The following IQGAP2 variants were observed in gnomAD, a reference collection of about 807,000 sequenced individuals.
IQGAP2 encodes the protein IQ motif containing GTPase activating protein 2.
A neutral mutation model predicts 201.3 loss-of-function variants in IQGAP2; 173 were observed. The observed-to-expected ratio is 0.86, with a 90% CI of 0.76 to 0.98. IQGAP2 has a LOEUF of 0.98. IQGAP2 is among the 50% of genes least tolerant of loss of function. The probability of loss-of-function intolerance (pLI) is 0.00; values close to 1 mark genes in which losing one functional copy is unlikely to be tolerated. For missense variants in IQGAP2, 1,687 were observed against 1,864.8 expected (o/e 0.90, Z 1.76); for synonymous variants, 675 against 673.9 (o/e 1.00, Z -0.03).
chr5:76,698,621 G>A (rs1442395580), intron 33 of IQGAP2, among the ~76,000 whole-genome samples: 5 of 152,222 alleles, frequency 3.3e-5, no homozygotes, highest in South Asian at 2.1e-4. Context: ...TTTGGCAGCT[G>A]TCTATTATCC....
At chr5:76,544,295 G>T (rs1271661852) in intron 2 of IQGAP2, among the ~76,000 whole-genome samples, 1 of 152,140 alleles carries the variant, frequency 6.6e-6, no homozygotes, top group Non-Finnish European at 1.5e-5. Flanking sequence ...TCCCCCAGGG[G>T]TTCCTACAGC....
In IQGAP2 at chr5:76,668,764, A is replaced by G. The variant is rs538626580; in HGVS notation, c.2763A>G (p.Thr921=). Residue 921 remains threonine, a synonymous_variant, in exon 23 of 36, where the codon ACA becomes ACG. Transcript: ENST00000274364. The stretch of plus-strand genomic sequence containing the variant: ...AATTTATGGATACTGTTATTTTCAC[A>G]CTATATAATTATGCCTCTAATCAGC... ...STKFMDTVIF[T]LYNYASNQRE... is the part of the protein sequence containing the mutation. 37 of 1,610,186 alleles carry G rather than the reference A, an allele frequency of 2.3e-5. No individual in the cohort carries two copies. In the African/African-American group the frequency reaches 3.6e-4, roughly 16 times the overall value.
At position 76,405,209 on chromosome 5, in the gene IQGAP2, C is replaced by A. The variant is rs78363226; in HGVS notation, c.46+1618C>A. Among the ~76,000 whole-genome samples, 680 of 152,348 alleles carry A rather than the reference C, an allele frequency of 4.5e-3. 5 individuals are homozygous for A. The highest frequency in any genetic ancestry group is 0.015 in the African/African-American group (630 of 41,568). On this transcript the variant is annotated intron_variant, in intron 1 of 35. Transcript: ENST00000274364. ...AATGCAGCATTTCTGTCAGTCCCTG[C>A]ATGTGCATCTGTGATGCTGCTTGAT...
chr5:76,482,006 G>A (rs1755820063), intron 2 of IQGAP2, among the ~76,000 whole-genome samples: 1 of 152,208 alleles, frequency 6.6e-6, no homozygotes, highest in Admixed American at 6.5e-5. Context: ...CCAATGAGGT[G>A]CACTTAACTT....
intron 20 of IQGAP2, among the ~76,000 whole-genome samples, chr5:76,657,880 TAAA>T (rs1742894167): frequency 6.6e-6 from 1 of 152,250 alleles, no homozygotes; most frequent in Non-Finnish European, 1.5e-5. Context: ...TTTCAATTTC[TAAA>T]ATCTTTTTAT....
At chr5:76,527,374 C>T (rs984164687) in intron 2 of IQGAP2, among the ~76,000 whole-genome samples, 1 of 152,174 alleles carries the variant, frequency 6.6e-6, no homozygotes, top group Non-Finnish European at 1.5e-5. Flanking sequence ...AATGACTTCT[C>T]CAACTCTGCC....
chr5:76,665,265 C>A, intron 22 of IQGAP2, 90 bp downstream of exon 22: 1 of 1,097,456 alleles, frequency 9.1e-7, no homozygotes, highest in Non-Finnish European at 1.3e-6. Flanking sequence ...CATGCTTCAG[C>A]TATAATAGCA....
intron 2 of IQGAP2, among the ~76,000 whole-genome samples, chr5:76,495,263 G>A (rs1051570190): frequency 1.3e-5 from 2 of 152,186 alleles, no homozygotes; most frequent in African/African-American, 4.8e-5. Context: ...GAGCACAAAC[G>A]GTCTGCTCTG....
At chr5:76,409,847 A>G (rs1187455023) in intron 1 of IQGAP2, among the ~76,000 whole-genome samples, 1 of 152,106 alleles carries the variant, frequency 6.6e-6, no homozygotes, top group East Asian at 1.9e-4. Context: ...CTTGAGATGC[A>G]GTGTGGTGCT....
intron 5 of IQGAP2, among the ~76,000 whole-genome samples, chr5:76,586,181 A>T (rs1746232549): frequency 6.6e-6 from 1 of 152,160 alleles, no homozygotes; most frequent in Admixed American, 6.5e-5. Context: ...AAGACCTAGA[A>T]CTTTAACTAA....
intron 2 of IQGAP2, among the ~76,000 whole-genome samples, chr5:76,465,323 T>C (rs1754709260): frequency 6.6e-6 from 1 of 152,224 alleles, no homozygotes; most frequent in African/African-American, 2.4e-5. Flanking sequence ...ATCATCTCAA[T>C]ATATGCAGGA....
chr5:76,434,296 T>C (rs1454782810), intron 1 of IQGAP2, among the ~76,000 whole-genome samples: 2 of 152,148 alleles, frequency 1.3e-5, no homozygotes, highest in African/African-American at 4.8e-5. Flanking sequence ...GTCACCTGAG[T>C]AGTGTACATT....
chr5:76,623,294 C>G (rs1280221422), intron 13 of IQGAP2: 1 of 1,572,838 alleles, frequency 6.4e-7, no homozygotes, highest in Admixed American at 1.7e-5. Context: ...AGCACAATTT[C>G]ACCTCAGTTC....
intron 17 of IQGAP2, among the ~76,000 whole-genome samples, chr5:76,641,443 T>C (rs886172058): frequency 1.3e-5 from 2 of 152,140 alleles, no homozygotes; most frequent in Non-Finnish European, 2.9e-5. Flanking sequence ...TTTTTTGTGG[T>C]TAGTAGATGT....
intron 1 of IQGAP2, among the ~76,000 whole-genome samples, chr5:76,458,797 T>C (rs774043256): frequency 6.8e-4 from 104 of 152,224 alleles, no homozygotes; most frequent in African/African-American, 2.4e-3. Flanking sequence ...CATACTCTTA[T>C]TGAGTGTAAA....
chr5:76,670,841 G>A (rs1313600033), intron 23 of IQGAP2, among the ~76,000 whole-genome samples: 4 of 152,190 alleles, frequency 2.6e-5, no homozygotes, highest in Admixed American at 6.5e-5. Flanking sequence ...AACTACAGGG[G>A]CATGGTACTT....
At position 76,668,767 on chromosome 5, in the gene IQGAP2, A is replaced by G. The variant is rs2150476834; in HGVS notation, c.2766A>G (p.Leu922=). 3 of 1,609,620 alleles carry G rather than the reference A, an allele frequency of 1.9e-6. No homozygotes were observed. Among genetic ancestry groups the G allele is most frequent in the East Asian group, 2.2e-5 (1 of 44,700 alleles). The change falls in exon 23 of 36, where the codon CTA becomes CTG. Residue 922 remains leucine (L), a synonymous_variant. Transcript: ENST00000274364. The part of the protein sequence containing the change: ...TKFMDTVIFT[L]YNYASNQREE... ...TTATGGATACTGTTATTTTCACACTATATAATTATGCCTCTAATCAGCGAG... is the reference window on the plus strand; with the variant it reads ...TTATGGATACTGTTATTTTCACACTGTATAATTATGCCTCTAATCAGCGAG...
intron 17 of IQGAP2, among the ~76,000 whole-genome samples, chr5:76,643,179 A>C (rs1751731366): frequency 6.6e-6 from 1 of 152,244 alleles, no homozygotes; most frequent in Non-Finnish European, 1.5e-5. Context: ...AAGGAATTTG[A>C]TAAGACATGG....
intron 30 of IQGAP2, among the ~76,000 whole-genome samples, chr5:76,689,705 A>T (rs189413726): frequency 6.6e-6 from 1 of 152,226 alleles, no homozygotes; most frequent in Non-Finnish European, 1.5e-5. Flanking sequence ...TTTGGTCCAA[A>T]CTAGCAGGAG....
Sources: allele counts gnomAD v4.1 joint callset (sites outside exome capture counted in the v4.1 genomes callset), GRCh38; gene constraint gnomAD v4.1.1; transcripts MANE v1.5; gene names NCBI Gene and HGNC (gene_info 2026-07-23, HGNC 2026-07-21).